The following SLC2A1 variants were observed in gnomAD, a reference collection of about 807,000 sequenced individuals.
The protein encoded by SLC2A1 is solute carrier family 2 member 1, also known as solute carrier family 2, facilitated glucose transporter member 1.
Under a neutral mutation model 46.6 loss-of-function variants are expected in SLC2A1, and 4 were observed. The ratio of observed to expected loss-of-function variants is 0.09; its 90% CI spans 0.04 to 0.20. SLC2A1 has a LOEUF of 0.20. Ranked by LOEUF, SLC2A1 falls within the 10% of genes least tolerant of loss-of-function variation. The probability of loss-of-function intolerance (pLI) is 1.00; values close to 1 mark genes in which losing one functional copy is unlikely to be tolerated. For synonymous variants in SLC2A1, 253 were observed against 270.0 expected (o/e 0.94, Z 0.62); for missense variants, 352 against 667.0 (o/e 0.53, Z 5.20).
chr1:42,947,624 A>C (rs1643673013), intron 1 of SLC2A1, among the ~76,000 whole-genome samples: 1 of 147,476 alleles, frequency 6.8e-6, no homozygotes, highest in South Asian at 2.2e-4. Context: ...ATATGGTGGC[A>C]CACATCTGTA....
rs890150636 is a variant in SLC2A1 at position 42,925,440 on chromosome 1, G to A, written c.*1601C>T. On this transcript the variant is annotated 3_prime_UTR_variant, in exon 10 of 10. Transcript: ENST00000426263. ...GAGTGCCTGCTGTGCATCAAGCACT[G>A]TACTGAATAGTGCTGAGGACCCACA... 3.3e-5 allele frequency: 5 copies of A among 152,216 alleles called. No individual in the cohort carries two copies. Among genetic ancestry groups the A allele is most frequent in the African/African-American group, 9.7e-5 (4 of 41,444 alleles). 9.4% of individuals were successfully genotyped at this position (152,216 alleles called of 1,614,324 possible).
rs1570594053 is a variant in SLC2A1, at chr1:42,931,271, T to C, written c.115-65A>G. The stretch of plus-strand genomic sequence containing the variant: ...CCAGGACCCAGTCTTCCTTTTCCTT[T>C]CCCCTTGCACCCCTCCCTAAGAGAG... On this transcript the variant is annotated intron_variant, in intron 2 of 9. Coordinates refer to ENST00000426263, the MANE Select transcript of SLC2A1 (RefSeq NM_006516.4). The C allele has an allele frequency of 1.1e-5, 17 of 1,542,510 alleles. No individual in the cohort carries two copies. In the East Asian group the frequency reaches 3.9e-4, roughly 35 times the overall value.
chr1:42,935,009 G>A (rs564629230), intron 2 of SLC2A1, among the ~76,000 whole-genome samples: 36 of 152,230 alleles, frequency 2.4e-4, no homozygotes, highest in Non-Finnish European at 3.8e-4. Context: ...TGCCAGGCTC[G>A]GCCATCCACC....
intron 2 of SLC2A1, among the ~76,000 whole-genome samples, chr1:42,942,550 G>T (rs1306699299): frequency 2.0e-5 from 3 of 151,056 alleles, no homozygotes; most frequent in African/African-American, 7.3e-5. Context: ...GAGGAAGCCA[G>T]CACAGACCTT....
chr1:42,930,873 A>G lies in SLC2A1; in HGVS notation c.276-7T>C, dbSNP rs369273744. ...CATCAGCATTGAATTCCGCCTGGGG[A>G]CGGGGTCACAGGTCAGGCCAGTGCC... On this transcript the variant is annotated splice_region_variant and splice_polypyrimidine_tract_variant and intron_variant, in intron 3 of 9. Coordinates refer to ENST00000426263, the MANE Select transcript of SLC2A1 (RefSeq NM_006516.4). The surrounding 1 kb of genome is among the most constrained non-coding windows in gnomAD (Gnocchi z 6.2). 166 of 1,601,118 alleles carry G rather than the reference A, an allele frequency of 1.0e-4. 1 individual carries two copies. In the African/African-American group the frequency reaches 2.0e-3, roughly 20 times the overall value.
rs1315288144 is a variant in SLC2A1, at chr1:42,929,844, T to A, written c.679+29A>T. 3 of 1,612,654 alleles carry A rather than the reference T, an allele frequency of 1.9e-6. No individual in the cohort carries two copies. Among genetic ancestry groups the A allele is most frequent in the Non-Finnish European group, 1.7e-6 (2 of 1,179,606 alleles). On this transcript the variant is annotated intron_variant, in intron 5 of 9. Transcript: ENST00000426263. This position sits in a 1 kb window ranked among gnomAD's most constrained non-coding sequence, Gnocchi z 6.0. ...GGGAAGAAGGCCAGGGCTCAGGGAG[T>A]GGGGAGGAGGGCAGGGCCATGCCCG...
chr1:42,931,074 C>G lies in SLC2A1; in HGVS notation c.247G>C (p.Val83Leu). The G allele has an allele frequency of 6.2e-7, 1 of 1,614,212 alleles. No individual in the cohort carries two copies. Among genetic ancestry groups the G allele is most frequent in the Non-Finnish European group, 8.5e-7 (1 of 1,180,028 alleles). The change falls in exon 3 of 10, where the codon GTG becomes CTG. Residue 83 changes from valine to leucine, a missense_variant. Physicochemically the swap from Val to Leu is conservative, Grantham distance 32. Coordinates refer to ENST00000426263, the MANE Select transcript of SLC2A1 (RefSeq NM_006516.4). The part of the protein sequence containing the change: ...SVGGMIGSFS[V>L]GLFVNRFGRR... ...CCAAAGCGGTTAACGAAAAGGCCCACAGAGAAGGAGCCAATCATGCCCCCA... is the reference window on the plus strand; with the variant it reads ...CCAAAGCGGTTAACGAAAAGGCCCAGAGAGAAGGAGCCAATCATGCCCCCA...
chr1:42,930,890 G>T lies in SLC2A1; in HGVS notation c.276-24C>A. ...GCCTGGGGACGGGGTCACAGGTCAG[G>T]CCAGTGCCCACATTCCTTGGGCTCC... On this transcript the variant is annotated intron_variant, in intron 3 of 9. Coordinates refer to ENST00000426263, the MANE Select transcript of SLC2A1 (RefSeq NM_006516.4). This position sits in a 1 kb window ranked among gnomAD's most constrained non-coding sequence, Gnocchi z 6.2. 6.2e-7 allele frequency: 1 copy of T among 1,602,092 alleles called. No homozygotes were observed.
At chr1:42,938,943 C>CAG (rs1643569668) in intron 2 of SLC2A1, among the ~76,000 whole-genome samples, 2 of 152,268 alleles carry the variant, frequency 1.3e-5, no homozygotes, top group African/African-American at 2.4e-5. Context: ...GGGTCTCTCC[C>CAG]ACTGCTGTGG....
In SLC2A1 at chr1:42,929,533, C is replaced by A; in HGVS notation, c.867+60G>T. The A allele has an allele frequency of 6.7e-7, 1 of 1,499,128 alleles. No individual in the cohort carries two copies. The highest frequency in any genetic ancestry group is 1.2e-5 in the South Asian group (1 of 86,872). The allele number at this position is 1,499,128 out of a possible 1,614,324, so 92.9% of individuals were successfully genotyped here. ...TGTTTCAAGTTTGGGACTTGTTCAC[C>A]ATGCACACTTGACCAGAGGGCTTGG... is the stretch of plus-strand genomic sequence containing the variant. On this transcript the variant is annotated intron_variant, in intron 6 of 9. Transcript: ENST00000426263. The surrounding 1 kb of genome is among the most constrained non-coding windows in gnomAD (Gnocchi z 6.0).
intron 1 of SLC2A1, among the ~76,000 whole-genome samples, chr1:42,947,593 A>AC (rs1643672147): frequency 6.7e-6 from 1 of 150,342 alleles, no homozygotes; most frequent in Non-Finnish European, 1.5e-5. Flanking sequence ...AAAAAAAAAA[A>AC]AAAAAAAAAA....
At chr1:42,951,369 C>A (rs947527987) in intron 1 of SLC2A1, among the ~76,000 whole-genome samples, 1 of 151,884 alleles carries the variant, frequency 6.6e-6, no homozygotes, top group Non-Finnish European at 1.5e-5. Flanking sequence ...GGAAAAAAAG[C>A]AATAGGATGT....
chr1:42,934,235 G>C (rs1643520519), intron 2 of SLC2A1, among the ~76,000 whole-genome samples: 2 of 152,282 alleles, frequency 1.3e-5, no homozygotes, highest in South Asian at 4.1e-4. Flanking sequence ...ACCCAACCTT[G>C]TCCAGGGCTG....
At chr1:42,928,477 A>C (rs771646439) in intron 8 of SLC2A1, among the ~76,000 whole-genome samples, 1 of 152,086 alleles carries the variant, frequency 6.6e-6, no homozygotes, top group Non-Finnish European at 1.5e-5. Context: ...ACAAGTTACT[A>C]ACCTCACTGG....
In SLC2A1 at chr1:42,930,576, A is replaced by C. The variant is rs1643477860; in HGVS notation, c.516+50T>G. 6.2e-7 allele frequency: 1 copy of C among 1,609,708 alleles called. No individual in the cohort carries two copies. Among genetic ancestry groups the C allele is most frequent in the Non-Finnish European group, 8.5e-7 (1 of 1,178,168 alleles). The stretch of plus-strand genomic sequence containing the variant: ...CTGGGCACAGATCCGAGAGCCACTG[A>C]AGCTGTGGGCAGGGGCCGTGCCAGG... On this transcript the variant is annotated intron_variant, in intron 4 of 9. Coordinates refer to ENST00000426263, the MANE Select transcript of SLC2A1 (RefSeq NM_006516.4). The surrounding 1 kb of genome is among the most constrained non-coding windows in gnomAD (Gnocchi z 6.2).
intron 8 of SLC2A1, 38 bp downstream of exon 8, chr1:42,928,894 C>T: frequency 6.3e-7 from 1 of 1,577,386 alleles, no homozygotes; most frequent in Non-Finnish European, 8.7e-7. Context: ...CAGGCAAACT[C>T]TCCCGCATCC....
intron 2 of SLC2A1, among the ~76,000 whole-genome samples, chr1:42,933,699 C>T (rs1389307868): frequency 6.6e-6 from 1 of 151,958 alleles, no homozygotes; most frequent in Non-Finnish European, 1.5e-5. Flanking sequence ...ACAGGCTGCT[C>T]TGAATGAGGG....
In SLC2A1 at chr1:42,927,375, A is replaced by G; in HGVS notation, c.1279-134T>C. The G allele has an allele frequency of 2.2e-6, 2 of 894,040 alleles. No individual in the cohort carries two copies. The allele number at this position is 894,040 out of a possible 1,614,324, so 55.4% of individuals were successfully genotyped here. On this transcript the variant is annotated intron_variant, in intron 9 of 9. Transcript: ENST00000426263. This position sits in a 1 kb window ranked among gnomAD's most constrained non-coding sequence, Gnocchi z 5.3. Reference sequence around the variant, plus strand: ...CCACCTACCCAGGGATGCTATCATAATTAACTGAGACCACGCTTGTACCTA... The same window carrying G: ...CCACCTACCCAGGGATGCTATCATAGTTAACTGAGACCACGCTTGTACCTA...
Position 42,927,755 on chromosome 1 carries a change from C to T in SLC2A1, c.1128G>A (p.Val376=), listed in dbSNP as rs535218384. Residue 376 remains valine, a synonymous_variant, in exon 9 of 10, where the codon GTG becomes GTA. Transcript: ENST00000426263. The surrounding 1 kb of genome is among the most constrained non-coding windows in gnomAD (Gnocchi z 5.3). ...YLSIVAIFGF[V]AFFEVGPGPI... ...GGCCAGGACCCACTTCAAAGAAGGC[C>T]ACAAAGCCAAAGATGGCCACGATGC... is the stretch of plus-strand genomic sequence containing the variant. The T allele has an allele frequency of 1.9e-6, 3 of 1,614,048 alleles. No homozygotes were observed. The highest frequency in any genetic ancestry group is 2.2e-5 in the East Asian group (1 of 44,870).
Sources: allele counts gnomAD v4.1 joint callset (sites outside exome capture counted in the v4.1 genomes callset), GRCh38; gene constraint gnomAD v4.1.1; non-coding constraint Gnocchi (gnomAD v3.1); transcripts MANE v1.5; gene names NCBI Gene and HGNC (gene_info 2026-07-23, HGNC 2026-07-21).